The following LMLN variants were observed in gnomAD, a reference collection of about 807,000 sequenced individuals.
LMLN encodes leishmanolysin-like peptidase.
LMLN carries 70 observed loss-of-function variants against 92.3 expected under a neutral mutation model. That is an observed-to-expected ratio of 0.76 (90% confidence interval 0.63 to 0.92). The LOEUF is 0.92. Ranked by LOEUF, LMLN falls within the 40% of genes least tolerant of loss-of-function variation. LMLN has a pLI of 0.00. For missense variants in LMLN, 691 were observed against 814.6 expected, an observed-to-expected ratio of 0.85 and a Z score of 1.85; for synonymous variants, 308 against 296.2, an observed-to-expected ratio of 1.04 and a Z score of -0.41.
At chr3:197,995,018 A>G (rs577526386) in intron 9 of LMLN, among the ~76,000 whole-genome samples, 5 of 152,300 alleles carry the variant, frequency 3.3e-5, no homozygotes, top group African/African-American at 1.2e-4. Context: ...CTTGAACAAC[A>G]TAGGTTGGAA....
intron 11 of LMLN, among the ~76,000 whole-genome samples, chr3:198,003,529 A>G (rs1319647966): frequency 1.3e-5 from 2 of 152,182 alleles, no homozygotes; most frequent in Non-Finnish European, 2.9e-5. Context: ...CCAGATGCAT[A>G]TTATAATCAC....
intron 14 of LMLN, among the ~76,000 whole-genome samples, chr3:198,026,998 G>A (rs1249699568): frequency 1.3e-5 from 2 of 152,174 alleles, no homozygotes; most frequent in Non-Finnish European, 2.9e-5. Context: ...GTGTGTGTGT[G>A]TGTAAGTAAT....
At chr3:197,974,351 G>A in intron 1 of LMLN, 26 bp from the exon 2 acceptor site, 1 of 1,272,358 alleles carries the variant, frequency 7.9e-7, no homozygotes, top group Non-Finnish European at 1.1e-6. Context: ...GTCTTAAACA[G>A]TTTTCAAATC....
intron 9 of LMLN, 147 bp downstream of exon 9, chr3:197,990,823 G>T: frequency 1.9e-6 from 1 of 519,260 alleles, no homozygotes; most frequent in Non-Finnish European, 3.5e-6. Flanking sequence ...ATGAAGCTAC[G>T]GGCCACGAGA....
intron 14 of LMLN, among the ~76,000 whole-genome samples, chr3:198,032,897 C>A (rs9839182): frequency 6.6e-6 from 1 of 152,056 alleles, no homozygotes; most frequent in Admixed American, 6.5e-5. Context: ...TGGCGTCTGT[C>A]TCTGAAACAG....
At chr3:197,982,377 C>T (rs556808760) in intron 6 of LMLN, among the ~76,000 whole-genome samples, 4 of 151,812 alleles carry the variant, frequency 2.6e-5, no homozygotes, top group Non-Finnish European at 5.9e-5. Flanking sequence ...AGGTGCGCAC[C>T]ACCACGCCTG....
chr3:197,974,501 T>C lies in LMLN; in HGVS notation c.317+27T>C, dbSNP rs533761950. ...TAAGTACACCATTGTATTGTCATCT[T>C]TTTCATTATTAATCTAAATGTTAAA... On this transcript the variant is annotated intron_variant, in intron 2 of 15. Transcript: ENST00000330198. The C allele has an allele frequency of 9.0e-6, 10 of 1,112,566 alleles. No individual in the cohort carries two copies. The East Asian group carries it at 2.4e-4, about 27-fold the overall frequency. The allele number at this position is 1,112,566 out of a possible 1,614,324, so 68.9% of individuals were successfully genotyped here.
chr3:197,961,955 T>C (rs114880866), intron 1 of LMLN, among the ~76,000 whole-genome samples: 1,690 of 152,328 alleles, frequency 0.011, 11 homozygotes, highest in Middle Eastern at 0.02. Flanking sequence ...TCTTGTTTCA[T>C]ATACTTTCAG....
chr3:197,977,281 T>G (rs7428537), intron 5 of LMLN, among the ~76,000 whole-genome samples: 56,431 of 151,832 alleles, frequency 0.37, 14,726 homozygotes, highest in African/African-American at 0.75. Flanking sequence ...ATGAAAAAAA[T>G]GTTGCGAATC....
At chr3:198,016,762 T>G (rs192361916) in intron 11 of LMLN, among the ~76,000 whole-genome samples, 1 of 152,290 alleles carries the variant, frequency 6.6e-6, no homozygotes, top group East Asian at 1.9e-4. Context: ...TCTTAAAAAC[T>G]AAAACTGTGG....
intron 7 of LMLN, 78 bp from the exon 8 acceptor site, chr3:197,985,718 A>G (rs1581144771): frequency 1.1e-6 from 1 of 894,462 alleles, no homozygotes; most frequent in East Asian, 2.4e-5. Context: ...CGTTAGTATC[A>G]GTGCTCTCTT....
chr3:198,036,542 G>A (rs964920626), intron 15 of LMLN, among the ~76,000 whole-genome samples: 10 of 151,940 alleles, frequency 6.6e-5, no homozygotes, highest in Admixed American at 2.0e-4. Context: ...GGCAAAGACC[G>A]GGGGGTTCAT....
chr3:198,018,036 T>G (rs936672619), intron 11 of LMLN, among the ~76,000 whole-genome samples: 1 of 152,246 alleles, frequency 6.6e-6, no homozygotes, highest in Admixed American at 6.5e-5. Flanking sequence ...TTGACAGTGC[T>G]TCTCTGGAAT....
chr3:198,024,308 C>T (rs1282946128), intron 13 of LMLN, among the ~76,000 whole-genome samples: 1 of 151,414 alleles, frequency 6.6e-6, no homozygotes, highest in Admixed American at 6.6e-5. Context: ...CTCCGCCTCC[C>T]GGGTTCACGC....
intron 11 of LMLN, among the ~76,000 whole-genome samples, chr3:198,013,021 C>G (rs1168995943): frequency 3.9e-5 from 5 of 126,754 alleles, no homozygotes; most frequent in Non-Finnish European, 8.0e-5. Context: ...TTCTCTGTAC[C>G]CTTCAGAGTC....
chr3:198,008,169 G>A (rs1160047542), intron 11 of LMLN, among the ~76,000 whole-genome samples: 3 of 152,024 alleles, frequency 2.0e-5, no homozygotes, highest in Admixed American at 6.6e-5. Context: ...CTATATTTGT[G>A]ACGAATATAG....
chr3:197,962,681 C>T (rs1392061605), intron 1 of LMLN, among the ~76,000 whole-genome samples: 2 of 152,074 alleles, frequency 1.3e-5, no homozygotes, highest in Non-Finnish European at 2.9e-5. Flanking sequence ...AAAATATTCT[C>T]CTGTGTTCTA....
In LMLN at chr3:197,976,578, G is replaced by A; in HGVS notation, c.432-20G>A. On this transcript the variant is annotated intron_variant, in intron 4 of 15. Coordinates refer to ENST00000330198, the Ensembl canonical transcript of LMLN. Reference sequence around the variant, plus strand: ...ATTCTCTTTTTTGTATTTAAACTTTGATGTACAAATGGACTGAAGACAATG... The same window carrying A: ...ATTCTCTTTTTTGTATTTAAACTTTAATGTACAAATGGACTGAAGACAATG... The A allele has an allele frequency of 1.5e-6, 2 of 1,342,484 alleles. No homozygotes were observed. Among genetic ancestry groups the A allele is most frequent in the Non-Finnish European group, 2.1e-6 (2 of 965,884 alleles). 83.2% of individuals were successfully genotyped at this position (1,342,484 alleles called of 1,614,324 possible).
chr3:197,984,873 C>T (rs943160823), intron 7 of LMLN, among the ~76,000 whole-genome samples: 64 of 151,984 alleles, frequency 4.2e-4, no homozygotes, highest in African/African-American at 1.5e-3. Context: ...ATGGGGGTCT[C>T]GCCATGTTGC....
Sources: allele counts gnomAD v4.1 joint callset (sites outside exome capture counted in the v4.1 genomes callset), GRCh38; gene constraint gnomAD v4.1.1; transcripts MANE v1.5; gene names NCBI Gene and HGNC (gene_info 2026-07-23, HGNC 2026-07-21).